C12orf42: variants seen among roughly 807,000 people sequenced by gnomAD.
C12orf42 encodes chromosome 12 open reading frame 42.
Under a neutral mutation model 21.6 loss-of-function variants are expected in C12orf42, and 25 were observed. The ratio of observed to expected loss-of-function variants is 1.16; its 90% CI spans 0.84 to 1.62. C12orf42 has a LOEUF of 1.62. Among genes scored for constraint, C12orf42 ranks in the 40% most tolerant of loss-of-function variants. The probability of loss-of-function intolerance (pLI) is 0.00; values close to 1 mark genes in which losing one functional copy is unlikely to be tolerated. For missense variants in C12orf42, 483 were observed against 459.3 expected (o/e 1.05, Z -0.47); for synonymous variants, 174 against 175.0 (o/e 0.99, Z 0.05).
rs141428658 is a variant in C12orf42, at chr12:103,292,633, CTTTT to C, written n.338-15427_338-15424del. Reference sequence around the variant, plus strand: ...AACACCACTTGGTGATGTTACTATTCTTTTTGAGTAAATATGAATTATTATGTAT... The same window carrying C: ...AACACCACTTGGTGATGTTACTATTCTGAGTAAATATGAATTATTATGTAT... On this transcript the variant is annotated intron_variant and non_coding_transcript_variant, in intron 4 of 6. Coordinates refer to the C12orf42 transcript ENST00000546526. Among the ~76,000 whole-genome samples, 498 of 152,048 alleles carry C rather than the reference CTTTT, an allele frequency of 3.3e-3. 4 individuals carry two copies. The highest frequency in any genetic ancestry group is 0.011 in the African/African-American group (475 of 41,504).
chr12:103,516,299 A>G, the C12orf42 span, among the ~76,000 whole-genome samples: 7 of 152,234 alleles, frequency 4.6e-5, no homozygotes, highest in East Asian at 1.3e-3. Context: ...TATTTTCCCA[A>G]AAGGAGATTA....
chr12:103,477,888 A>G, intron 2 of C12orf42: 1 of 168,346 alleles, frequency 5.9e-6, no homozygotes, highest in Non-Finnish European at 1.3e-5. Flanking sequence ...TTGTTACAGC[A>G]GCAACAGAGA....
chr12:103,512,068 G>C, the C12orf42 span, among the ~76,000 whole-genome samples: 1 of 152,174 alleles, frequency 6.6e-6, no homozygotes, highest in Non-Finnish European at 1.5e-5. Context: ...CCTAAATAGA[G>C]TAGGCATATT....
Position 103,384,433 on chromosome 12 carries a change from C to T in C12orf42, c.148-15435G>A, listed in dbSNP as rs1317434366. Among the ~76,000 whole-genome samples, 4 of 152,194 alleles carry T rather than the reference C, an allele frequency of 2.6e-5. No homozygotes were observed. The South Asian group carries it at 6.2e-4, about 24-fold the overall frequency. On this transcript the variant is annotated intron_variant, in intron 3 of 5. Transcript: ENST00000548883. ...GCGGTGGGTGAACTAATCTACCATACTGTCACTTAAAAGATATTTAACCTT... is the reference window on the plus strand; with the variant it reads ...GCGGTGGGTGAACTAATCTACCATATTGTCACTTAAAAGATATTTAACCTT...
chr12:103,481,011 A>AT (rs1300919312), intron 1 of C12orf42, among the ~76,000 whole-genome samples: 1 of 151,380 alleles, frequency 6.6e-6, no homozygotes, highest in Non-Finnish European at 1.5e-5. Context: ...GGGTCTTTCT[A>AT]TTTTTTTCTG....
chr12:103,164,563 C>T, the C12orf42 span: 67 of 426,264 alleles, frequency 1.6e-4, no homozygotes, highest in African/African-American at 1.1e-3. Context: ...GGGGTGGGTG[C>T]CAGTATAAAA....
At chr12:103,487,047 T>G (rs1452823690) in intron 1 of C12orf42, among the ~76,000 whole-genome samples, 2 of 152,234 alleles carry the variant, frequency 1.3e-5, no homozygotes, top group African/African-American at 4.8e-5. Context: ...ATTTTGATGT[T>G]AGAGTGTTGA....
intron 10 of C12orf42, among the ~76,000 whole-genome samples, chr12:103,241,570 C>T (rs1360443674): frequency 1.3e-5 from 2 of 152,146 alleles, no homozygotes; most frequent in African/African-American, 4.8e-5. Context: ...ATCTTAAGTG[C>T]AATGTGACCA....
At chr12:103,160,070 G>A in the C12orf42 span, among the ~76,000 whole-genome samples, 1 of 152,130 alleles carries the variant, frequency 6.6e-6, no homozygotes, top group Non-Finnish European at 1.5e-5. Flanking sequence ...TAATCACAGG[G>A]CAAGAGTTTG....
chr12:103,256,219 G>A (rs1242176635), intron 10 of C12orf42, among the ~76,000 whole-genome samples: 2 of 141,212 alleles, frequency 1.4e-5, no homozygotes, highest in African/African-American at 2.6e-5. Context: ...TAAACTTATT[G>A]TAGTAGTTGT....
At chr12:103,445,103 C>T (rs1276393645) in intron 2 of C12orf42, among the ~76,000 whole-genome samples, 1 of 151,932 alleles carries the variant, frequency 6.6e-6, no homozygotes, top group East Asian at 1.9e-4. Flanking sequence ...TGTACTCATC[C>T]CCCATACCGT....
At chr12:103,299,883 A>G (rs1478299577), downstream of C12orf42, among the ~76,000 whole-genome samples, 1 of 152,210 alleles carries the variant, frequency 6.6e-6, no homozygotes, top group Non-Finnish European at 1.5e-5. Context: ...CTTCTCATCC[A>G]TCACTAAAGA....
chr12:103,389,870 T>C (rs1593764804), intron 3 of C12orf42, among the ~76,000 whole-genome samples: 2 of 152,236 alleles, frequency 1.3e-5, no homozygotes, highest in South Asian at 4.1e-4. Context: ...CCTTGTACCT[T>C]AGATCTCTCT....
intron 3 of C12orf42, among the ~76,000 whole-genome samples, chr12:103,379,123 T>C (rs2045947019): frequency 1.3e-5 from 2 of 152,302 alleles, no homozygotes; most frequent in South Asian, 2.1e-4. Flanking sequence ...TGAGGTTTTA[T>C]ATGTGATCAC....
chr12:103,316,827 G>A (rs918112510), intron 4 of C12orf42, among the ~76,000 whole-genome samples: 9 of 150,618 alleles, frequency 6.0e-5, no homozygotes, highest in African/African-American at 2.2e-4. Context: ...AAAAAAAAAA[G>A]AATGAATGAA....
the C12orf42 span, among the ~76,000 whole-genome samples, chr12:103,216,650 A>T: frequency 0.37 from 56,019 of 151,544 alleles, 10,984 homozygotes; most frequent in South Asian, 0.45. Flanking sequence ...AGTGCTGGGA[A>T]TGGAAAACAA....
At chr12:103,496,613 A>G (rs1955555183), upstream of C12orf42, among the ~76,000 whole-genome samples, 1 of 152,228 alleles carries the variant, frequency 6.6e-6, no homozygotes, top group African/African-American at 2.4e-5. Context: ...TAAGCTGTCC[A>G]TAGGCTGCAC....
intron 10 of C12orf42, among the ~76,000 whole-genome samples, chr12:103,246,523 A>C (rs2034016765): frequency 6.6e-6 from 1 of 152,044 alleles, no homozygotes; most frequent in Admixed American, 6.6e-5. Flanking sequence ...AACTTAATTA[A>C]ACTGATTTCA....
intron 2 of C12orf42, among the ~76,000 whole-genome samples, chr12:103,418,341 T>C (rs1042659123): frequency 1.1e-4 from 16 of 152,166 alleles, no homozygotes; most frequent in African/African-American, 3.9e-4. Context: ...CCTACTCTTA[T>C]CTAACATATA....
Sources: allele counts gnomAD v4.1 joint callset (sites outside exome capture counted in the v4.1 genomes callset), GRCh38; gene constraint gnomAD v4.1.1; transcripts MANE v1.5; gene names NCBI Gene and HGNC (gene_info 2026-07-23, HGNC 2026-07-21).